Variants in PPARGC1A observed in about 807,000 individuals in gnomAD.
PPARGC1A encodes the protein PPARG coactivator 1 alpha.
In PPARGC1A, 25 loss-of-function variants were observed where a neutral mutation model predicts 88.7. That is an observed-to-expected ratio of 0.28 (90% CI 0.21 to 0.39). The LOEUF (loss-of-function observed/expected upper bound fraction) is 0.39, where lower values mean the gene tolerates loss of function less well. Among genes scored for constraint, PPARGC1A ranks in the 10% least tolerant of loss-of-function variants. The probability of loss-of-function intolerance (pLI) is 1.00; values close to 1 mark genes in which losing one functional copy is unlikely to be tolerated. For synonymous variants in PPARGC1A, 363 were observed against 355.6 expected, an observed-to-expected ratio of 1.02 and a Z score of -0.24; for missense variants, 880 against 968.7, an observed-to-expected ratio of 0.91 and a Z score of 1.22.
the PPARGC1A span, among the ~76,000 whole-genome samples, chr4:23,913,983 A>G: frequency 6.6e-6 from 1 of 152,182 alleles, no homozygotes; most frequent in East Asian, 1.9e-4. Context: ...TTGAATAAGC[A>G]AGTTATATTT....
the PPARGC1A span, among the ~76,000 whole-genome samples, chr4:24,228,700 C>A: frequency 0.53 from 80,378 of 152,016 alleles, 22,106 homozygotes; most frequent in Non-Finnish European, 0.6. Context: ...AGGTAGGACC[C>A]CTCAGAAGCT....
intron 1 of PPARGC1A, among the ~76,000 whole-genome samples, chr4:23,896,602 C>A (rs1459784687): frequency 1.3e-5 from 2 of 152,108 alleles, no homozygotes; most frequent in Non-Finnish European, 2.9e-5. Flanking sequence ...GAGGTAGACC[C>A]AAAACCACTA....
chr4:23,824,663 T>C (rs1318303195), intron 5 of PPARGC1A, among the ~76,000 whole-genome samples, 155 bp from the exon 6 acceptor site: 1 of 152,092 alleles, frequency 6.6e-6, no homozygotes, highest in African/African-American at 2.4e-5. Flanking sequence ...CAAAAGTCCA[T>C]TATGCTAAAA....
At chr4:24,340,421 C>A in the PPARGC1A span, among the ~76,000 whole-genome samples, 1 of 152,108 alleles carries the variant, frequency 6.6e-6, no homozygotes, top group Non-Finnish European at 1.5e-5. Flanking sequence ...TTTTATACAT[C>A]CTTTTTGTGG....
chr4:24,359,406 C>A, the PPARGC1A span, among the ~76,000 whole-genome samples: 1 of 152,164 alleles, frequency 6.6e-6, no homozygotes, highest in Non-Finnish European at 1.5e-5. Context: ...CCGGTCTCTA[C>A]CCTGAACTCC....
At chr4:24,039,516 G>A in the PPARGC1A span, among the ~76,000 whole-genome samples, 1 of 152,092 alleles carries the variant, frequency 6.6e-6, no homozygotes, top group African/African-American at 2.4e-5. Flanking sequence ...CTTTATGTAT[G>A]AGGAAATGGA....
the PPARGC1A span, among the ~76,000 whole-genome samples, chr4:24,375,888 G>A: frequency 6.6e-5 from 10 of 152,096 alleles, no homozygotes; most frequent in African/African-American, 2.2e-4. Flanking sequence ...TGGACAAACA[G>A]GGGGTCCAAG....
the PPARGC1A span, among the ~76,000 whole-genome samples, chr4:24,430,483 G>A: frequency 4.0e-5 from 6 of 151,652 alleles, no homozygotes; most frequent in Non-Finnish European, 7.4e-5. Flanking sequence ...GGATGGTCTC[G>A]ATCTCCTGAC....
intron 2 of PPARGC1A, among the ~76,000 whole-genome samples, chr4:23,860,419 G>T (rs1731039575): frequency 6.6e-6 from 1 of 152,114 alleles, no homozygotes. Context: ...GAGGACTATG[G>T]TTAGTAATAT....
the PPARGC1A span, among the ~76,000 whole-genome samples, chr4:24,193,343 A>G: frequency 6.6e-6 from 1 of 152,194 alleles, no homozygotes; most frequent in Non-Finnish European, 1.5e-5. Flanking sequence ...CTTTGCTTTG[A>G]AATTCAATTT....
intron 2 of PPARGC1A, among the ~76,000 whole-genome samples, chr4:23,853,760 A>G (rs1729722647): frequency 6.6e-6 from 1 of 152,192 alleles, no homozygotes; most frequent in Admixed American, 6.5e-5. Context: ...CAACGATTTA[A>G]TTTCTGGAGT....
the PPARGC1A span, among the ~76,000 whole-genome samples, chr4:24,369,906 C>T: frequency 6.6e-6 from 1 of 152,194 alleles, no homozygotes; most frequent in African/African-American, 2.4e-5. Flanking sequence ...GATGACTCCA[C>T]CAGCAGAAAG....
At chr4:23,862,444 G>C (rs543992010) in intron 2 of PPARGC1A, among the ~76,000 whole-genome samples, 8 of 152,218 alleles carry the variant, frequency 5.3e-5, no homozygotes, top group African/African-American at 1.4e-4. Flanking sequence ...GTATTAATTG[G>C]GAAGCAGTGT....
the PPARGC1A span, among the ~76,000 whole-genome samples, chr4:24,240,104 G>A: frequency 1.3e-5 from 2 of 152,298 alleles, no homozygotes; most frequent in South Asian, 2.1e-4. Context: ...GCTGGTGACT[G>A]CTATTAGTTT....
intron 2 of PPARGC1A, among the ~76,000 whole-genome samples, chr4:23,854,378 T>C (rs1391162863): frequency 6.6e-6 from 1 of 152,194 alleles, no homozygotes; most frequent in Non-Finnish European, 1.5e-5. Context: ...TTTGGGTGTA[T>C]TAAGGCATCC....
At chr4:23,953,333 A>G in the PPARGC1A span, among the ~76,000 whole-genome samples, 7 of 152,160 alleles carry the variant, frequency 4.6e-5, no homozygotes, top group Non-Finnish European at 1.0e-4. Flanking sequence ...TTCCTCTTGA[A>G]TAAATCTCTT....
chr4:23,905,466 G>A (rs912938122), upstream of PPARGC1A, among the ~76,000 whole-genome samples: 2 of 152,188 alleles, frequency 1.3e-5, no homozygotes, highest in Non-Finnish European at 2.9e-5. Context: ...CTAAGGAATG[G>A]AAAATGAAGT....
At chr4:23,822,529 G>A (rs1172387668) in intron 7 of PPARGC1A, among the ~76,000 whole-genome samples, 1 of 151,942 alleles carries the variant, frequency 6.6e-6, no homozygotes, top group Non-Finnish European at 1.5e-5. Context: ...GAACTATGCT[G>A]CAGTGTTTTC....
the PPARGC1A span, among the ~76,000 whole-genome samples, chr4:24,405,563 G>T: frequency 1.3e-3 from 205 of 152,266 alleles, 1 homozygote; most frequent in Non-Finnish European, 2.3e-3. Context: ...ATCTAGCGCA[G>T]CTCCCATGGT....
Sources: gnomAD v4.1 joint callset for allele counts (sites outside exome capture counted in the v4.1 genomes callset) on GRCh38, gnomAD v4.1.1 for gene constraint, MANE v1.5 for transcripts, NCBI Gene and HGNC (gene_info 2026-07-23, HGNC 2026-07-21) for gene names.